Variants in FHIT observed in about 807,000 individuals in gnomAD.
The protein encoded by FHIT is bis(5'-adenosyl)-triphosphatase.
Under a neutral mutation model 17.9 loss-of-function variants are expected in FHIT, and 19 were observed. That is an observed-to-expected ratio of 1.06 (90% confidence interval 0.74 to 1.56). The LOEUF (loss-of-function observed/expected upper bound fraction) is 1.56. Ranked by LOEUF, FHIT falls within the 40% of genes most tolerant of loss-of-function variation. The probability of loss-of-function intolerance (pLI) is 0.00; values close to 1 mark genes in which losing one functional copy is unlikely to be tolerated. For synonymous variants in FHIT, 81 were observed against 69.7 expected, an observed-to-expected ratio of 1.16 and a Z score of -0.81; for missense variants, 248 against 189.2, an observed-to-expected ratio of 1.31 and a Z score of -1.82.
chr3:60,832,420 C>T (rs1448651898), intron 3 of FHIT, among the ~76,000 whole-genome samples: 2 of 152,120 alleles, frequency 1.3e-5, no homozygotes, highest in East Asian at 1.9e-4. Context: ...ACATAAAGAA[C>T]CTCCTTGCCA....
At chr3:60,332,424 G>T (rs1465921084) in intron 5 of FHIT, among the ~76,000 whole-genome samples, 5 of 152,182 alleles carry the variant, frequency 3.3e-5, no homozygotes, top group Non-Finnish European at 7.3e-5. Flanking sequence ...CGAGCAGACA[G>T]TATCATCACA....
chr3:60,204,452 T>TG (rs1472408303), intron 5 of FHIT, among the ~76,000 whole-genome samples: 4 of 106,642 alleles, frequency 3.8e-5, no homozygotes, highest in Admixed American at 9.8e-5. Flanking sequence ...TGGTTTTTTT[T>TG]TTTTTGTTTT....
chr3:60,537,733 T>C (rs1348380702), intron 4 of FHIT, among the ~76,000 whole-genome samples: 1 of 152,152 alleles, frequency 6.6e-6, no homozygotes, highest in Non-Finnish European at 1.5e-5. Context: ...CAAATCCATC[T>C]AGCACCAAGG....
intron 5 of FHIT, among the ~76,000 whole-genome samples, chr3:60,264,741 A>G (rs1262712226): frequency 6.6e-5 from 10 of 152,042 alleles, no homozygotes; most frequent in Non-Finnish European, 2.9e-5. Flanking sequence ...TTGAATGTTC[A>G]AGTACATATC....
chr3:60,222,909 A>C (rs1260484440), intron 5 of FHIT, among the ~76,000 whole-genome samples: 1 of 152,176 alleles, frequency 6.6e-6, no homozygotes, highest in Non-Finnish European at 1.5e-5. Flanking sequence ...TCAAAAACAA[A>C]AAGTAATGGC....
chr3:60,134,761 C>CA (rs1485327193), intron 5 of FHIT, among the ~76,000 whole-genome samples: 35 of 152,270 alleles, frequency 2.3e-4, no homozygotes, highest in African/African-American at 6.5e-4. Context: ...TTCAAGTCAT[C>CA]AAACGTATGA....
chr3:60,325,915 T>A (rs951391086), intron 5 of FHIT, among the ~76,000 whole-genome samples: 4 of 152,216 alleles, frequency 2.6e-5, no homozygotes, highest in African/African-American at 9.7e-5. Flanking sequence ...ATGTGTGTAA[T>A]CATGACCGAC....
intron 5 of FHIT, among the ~76,000 whole-genome samples, chr3:60,243,999 G>A (rs1164162428): frequency 1.3e-5 from 2 of 151,952 alleles, no homozygotes; most frequent in Non-Finnish European, 2.9e-5. Flanking sequence ...GAAAAACTCA[G>A]ACAGGTCTTA....
intron 5 of FHIT, among the ~76,000 whole-genome samples, chr3:60,152,283 G>A (rs1022785458): frequency 2.0e-5 from 3 of 152,182 alleles, no homozygotes; most frequent in Non-Finnish European, 2.9e-5. Flanking sequence ...GGAAGCACAT[G>A]CACACATGTA....
intron 8 of FHIT, among the ~76,000 whole-genome samples, chr3:59,804,531 C>T (rs758004620): frequency 1.3e-5 from 2 of 152,292 alleles, no homozygotes; most frequent in South Asian, 2.1e-4. Context: ...GGAGTGGGCC[C>T]GAGCATAGGG....
At chr3:60,824,324 G>T (rs937848898) in intron 3 of FHIT, among the ~76,000 whole-genome samples, 1 of 152,168 alleles carries the variant, frequency 6.6e-6, no homozygotes, top group Non-Finnish European at 1.5e-5. Context: ...GTAGAGATAC[G>T]CCTGACTTCT....
chr3:60,294,500 C>A (rs1576434692), intron 5 of FHIT, among the ~76,000 whole-genome samples: 1 of 152,148 alleles, frequency 6.6e-6, no homozygotes, highest in African/African-American at 2.4e-5. Context: ...AGTTTCTAAA[C>A]ACCAAGAGGC....
intron 5 of FHIT, among the ~76,000 whole-genome samples, chr3:60,280,574 A>C (rs934941535): frequency 5.3e-5 from 8 of 152,150 alleles, no homozygotes; most frequent in Non-Finnish European, 1.2e-4. Context: ...TGTCACACCC[A>C]CACCCACAAC....
At chr3:60,063,441 C>A (rs1022351674) in intron 5 of FHIT, among the ~76,000 whole-genome samples, 15 of 152,100 alleles carry the variant, frequency 9.9e-5, no homozygotes, top group Non-Finnish European at 2.2e-4. Context: ...GTTGAGGAAG[C>A]CAGAACACTG....
chr3:60,195,771 A>G (rs554181974), intron 5 of FHIT, among the ~76,000 whole-genome samples: 16 of 151,296 alleles, frequency 1.1e-4, no homozygotes, highest in African/African-American at 2.9e-4. Context: ...GACGTAACTC[A>G]GGAAAGAAAA....
chr3:60,742,723 C>A (rs1239158715), intron 4 of FHIT, among the ~76,000 whole-genome samples: 3 of 152,182 alleles, frequency 2.0e-5, no homozygotes, highest in Admixed American at 6.5e-5. Context: ...GGACACCAAA[C>A]AATGACTCTG....
Position 60,677,191 on chromosome 3 carries a change from G to A in FHIT, c.-17-140212C>T, listed in dbSNP as rs151008928. On this transcript the variant is annotated intron_variant, in intron 4 of 9. Coordinates refer to ENST00000492590, the MANE Select transcript of FHIT (RefSeq NM_002012.4). ...TGTGCCCAGCCAATTTTTTAATTAC[G>A]TAAATTAAAGGGGTACAAGTGCAGT... is the stretch of plus-strand genomic sequence containing the variant. Among the ~76,000 whole-genome samples, 1,051 of 152,164 alleles carry A rather than the reference G, an allele frequency of 6.9e-3. 12 individuals are homozygous for A. The highest frequency in any genetic ancestry group is 0.022 in the African/African-American group (913 of 41,520).
At chr3:60,631,706 C>T (rs1343629598) in intron 4 of FHIT, among the ~76,000 whole-genome samples, 1 of 152,164 alleles carries the variant, frequency 6.6e-6, no homozygotes, top group Non-Finnish European at 1.5e-5. Context: ...GTCCATCCAC[C>T]GCCACCATAT....
At chr3:60,133,335 T>C (rs1004230264) in intron 5 of FHIT, among the ~76,000 whole-genome samples, 1 of 152,108 alleles carries the variant, frequency 6.6e-6, no homozygotes. Context: ...AACTGAGTAA[T>C]AAAAGGCAAA....
Sources: allele counts gnomAD v4.1 joint callset (sites outside exome capture counted in the v4.1 genomes callset), GRCh38; gene constraint gnomAD v4.1.1; transcripts MANE v1.5; gene names NCBI Gene and HGNC (gene_info 2026-07-23, HGNC 2026-07-21).